The following PAK6 variants were observed in gnomAD, a reference collection of about 807,000 sequenced individuals.
PAK6 encodes p21 (RAC1) activated kinase 6.
Under a neutral mutation model 60.8 loss-of-function variants are expected in PAK6, and 33 were observed. The ratio of observed to expected loss-of-function variants is 0.54; its 90% confidence interval spans 0.41 to 0.73. The LOEUF is 0.73. Ranked by LOEUF, PAK6 falls within the 30% of genes least tolerant of loss-of-function variation. The probability of loss-of-function intolerance (pLI) is 0.00; values close to 1 mark genes in which losing one functional copy is unlikely to be tolerated. For synonymous variants in PAK6, 404 were observed against 378.5 expected (o/e 1.07, Z -0.78); for missense variants, 845 against 904.1 (o/e 0.93, Z 0.84).
intron 3 of PAK6, among the ~76,000 whole-genome samples, chr15:40,262,824 T>C (rs1345859459): frequency 6.6e-6 from 1 of 152,234 alleles, no homozygotes; most frequent in Non-Finnish European, 1.5e-5. Context: ...CCCTATGAGC[T>C]GTCTTTCATT....
chr15:40,267,662 C>CA (rs1226635813), intron 5 of PAK6, among the ~76,000 whole-genome samples: 117 of 147,944 alleles, frequency 7.9e-4, no homozygotes, highest in Middle Eastern at 6.8e-3. Flanking sequence ...GACTCCGTCT[C>CA]AAAAAAAAAA....
rs371738802 is a variant in PAK6 at position 40,264,942 on chromosome 15, G to A, written c.157G>A (p.Val53Met). The change falls in exon 4 of 11, where the codon GTG (valine) becomes ATG (methionine). Residue 53 changes from valine (V) to methionine (M), a missense_variant. By Grantham distance (21) the Val-to-Met change is conservative. Coordinates refer to ENST00000560346, the Ensembl canonical transcript of PAK6. ...GGACACACTGCGGCGCCCCAAGCCC[G>A]TGGTGGACCCTTCGCGAATCACACG... 1.1e-4 allele frequency: 184 copies of A among 1,613,576 alleles called. No homozygotes were observed. Among genetic ancestry groups the A allele is most frequent in the Non-Finnish European group, 1.4e-4 (170 of 1,180,048 alleles).
chr15:40,272,847 G>A lies in PAK6; in HGVS notation c.1357-19G>A. 4.3e-6 allele frequency: 7 copies of A among 1,612,094 alleles called. No individual in the cohort carries two copies. The highest frequency in any genetic ancestry group is 5.1e-6 in the Non-Finnish European group (6 of 1,179,060). On this transcript the variant is annotated intron_variant, in intron 6 of 10. Coordinates refer to ENST00000560346, the Ensembl canonical transcript of PAK6. ...GTCTGGGCACTGTGCCTGGCACTCA[G>A]GCCCCCGCCTGCCCCCAGGTGGTGA...
chr15:40,256,525 A>G (rs1192234266), intron 3 of PAK6, among the ~76,000 whole-genome samples: 1 of 152,110 alleles, frequency 6.6e-6, no homozygotes, highest in African/African-American at 2.4e-5. Context: ...GTGCTTTCCT[A>G]AGTTTTGTAG....
exon 6 of PAK6, chr15:40,272,484 C>T: frequency 6.2e-7 from 1 of 1,613,814 alleles, no homozygotes; most frequent in Non-Finnish European, 8.5e-7. Context: ...CCACGGTTGC[C>T]AAGGGTGCCC....
intron 3 of PAK6, among the ~76,000 whole-genome samples, chr15:40,256,444 T>G (rs1311629852): frequency 6.6e-6 from 1 of 152,198 alleles, no homozygotes; most frequent in African/African-American, 2.4e-5. Context: ...GGTCTCAGCA[T>G]GTCAGGGCCC....
Position 40,266,115 on chromosome 15 carries a change from T to C in PAK6, c.478T>C (p.Trp160Arg), listed in dbSNP as rs146254732. 1.3e-4 allele frequency: 213 copies of C among 1,606,686 alleles called. No homozygotes were observed. In the African/African-American group the frequency reaches 2.6e-3, roughly 20 times the overall value. ...ACCAGCAGGCCACAAGCAGATGCCG[T>C]GGCCCGAGCCACAGAGCCCACGGGT... The change falls in exon 5 of 11, where the codon TGG (tryptophan) becomes CGG (arginine). Residue 160 changes from tryptophan (W) to arginine (R), a missense_variant. Physicochemically the swap from Trp to Arg is moderately radical, Grantham distance 101. Coordinates refer to ENST00000560346, the Ensembl canonical transcript of PAK6.
At chr15:40,260,709 T>A (rs79383404) in intron 3 of PAK6, among the ~76,000 whole-genome samples, 5,027 of 152,308 alleles carry the variant, frequency 0.033, 267 homozygotes, top group African/African-American at 0.11. Flanking sequence ...AGATTTAAAT[T>A]AATCTGCAGG....
At chr15:40,245,746 G>C (rs2038478845) in intron 2 of PAK6, 1 of 152,348 alleles carries the variant, frequency 6.6e-6, no homozygotes, top group Non-Finnish European at 1.5e-5. Flanking sequence ...AGGCCACACA[G>C]CTAACTAATG....
chr15:40,273,265 G>A, intron 7 of PAK6, 81 bp from the exon 8 acceptor site: 1 of 1,510,142 alleles, frequency 6.6e-7, no homozygotes, highest in Non-Finnish European at 9.0e-7. Flanking sequence ...TAGCACCAGG[G>A]ACTCCTACTC....
chr15:40,276,132 C>G, exon 11 of PAK6: 1 of 1,597,076 alleles, frequency 6.3e-7, no homozygotes, highest in South Asian at 1.1e-5. Flanking sequence ...CGCCCACAGG[C>G]AGGGCACACT....
At chr15:40,259,084 T>C (rs2038914352) in intron 3 of PAK6, 2 of 152,312 alleles carry the variant, frequency 1.3e-5, no homozygotes, top group Non-Finnish European at 2.9e-5. Flanking sequence ...GGTCTGGCTC[T>C]CTGAGGGGGA....
Position 40,243,799 on chromosome 15 carries a change from G to A in PAK6, c.-118+3118G>A, listed in dbSNP as rs181477020. ...CTCCTCTTTCTGGGGTCTAGACTTGGAGGTCTTGAGGACTTGAAGTGGGCT... is the reference window on the plus strand; with the variant it reads ...CTCCTCTTTCTGGGGTCTAGACTTGAAGGTCTTGAGGACTTGAAGTGGGCT... On this transcript the variant is annotated intron_variant, in intron 2 of 10. Transcript: ENST00000560346. Among the ~76,000 whole-genome samples the A allele has an allele frequency of 2.4e-4, 37 of 152,360 alleles. No homozygotes were observed. In the East Asian group the frequency reaches 7.1e-3, roughly 29 times the overall value.
chr15:40,245,502 G>C (rs1360806642), intron 2 of PAK6: 1 of 152,282 alleles, frequency 6.6e-6, no homozygotes, highest in Non-Finnish European at 1.5e-5. Flanking sequence ...AGAAAGCACA[G>C]AGGGTGGAGG....
chr15:40,263,772 G>A lies in PAK6; in HGVS notation c.-5-1009G>A, dbSNP rs369708341. 103 of 390,244 alleles carry A rather than the reference G, an allele frequency of 2.6e-4. No individual in the cohort carries two copies. In the Middle Eastern group the frequency reaches 3.4e-3, roughly 13 times the overall value. 24.2% of individuals were successfully genotyped at this position (390,244 alleles called of 1,614,324 possible). A position where few individuals can be genotyped will look rare whatever the true frequency, so the allele number is the denominator to read the frequency against. On this transcript the variant is annotated intron_variant, in intron 3 of 10. Transcript: ENST00000560346. ...CGGGACTACAGGCACGTGCCACCAG[G>A]CCCGGCTAATTTCTTTGTATTTTTA...
intron 2 of PAK6, among the ~76,000 whole-genome samples, chr15:40,248,761 A>G (rs935457854): frequency 6.6e-6 from 1 of 152,158 alleles, no homozygotes; most frequent in African/African-American, 2.4e-5. Flanking sequence ...GTCTCACGTG[A>G]CAGCCTGCCT....
rs1197359349 is a variant in PAK6, at chr15:40,266,247, C to G, written c.610C>G (p.Pro204Ala). Reference sequence around the variant, plus strand: ...GGGTGCCTGCCTGCAGAGCTCCCCACCAGGAGCCTCGCCCCCCACGGGCAC... The same window carrying G: ...GGGTGCCTGCCTGCAGAGCTCCCCAGCAGGAGCCTCGCCCCCCACGGGCAC... Residue 204 changes from proline (P) to alanine (A), a missense_variant, in exon 5 of 11, where the codon CCA becomes GCA. Physicochemically the swap from Pro to Ala is conservative, Grantham distance 27. Coordinates refer to ENST00000560346, the Ensembl canonical transcript of PAK6. The G allele has an allele frequency of 8.7e-6, 14 of 1,610,496 alleles. No individual in the cohort carries two copies. The highest frequency in any genetic ancestry group is 1.1e-5 in the Non-Finnish European group (13 of 1,179,914).
At chr15:40,263,661 C>A in intron 3 of PAK6, 1 of 302,894 alleles carries the variant, frequency 3.3e-6, no homozygotes, top group Non-Finnish European at 6.7e-6. Context: ...GTTGCCCAGG[C>A]TGGAGTGCAG....
chr15:40,244,451 G>A (rs2038444558), intron 2 of PAK6, among the ~76,000 whole-genome samples: 1 of 149,520 alleles, frequency 6.7e-6, no homozygotes, highest in Non-Finnish European at 1.5e-5. Flanking sequence ...AGGCTGGAGT[G>A]CAGTGGCACG....
Sources: gnomAD v4.1 joint callset for allele counts (sites outside exome capture counted in the v4.1 genomes callset) on GRCh38, gnomAD v4.1.1 for gene constraint, MANE v1.5 for transcripts, NCBI Gene and HGNC (gene_info 2026-07-23, HGNC 2026-07-21) for gene names.